The following LIPN variants were observed in gnomAD, a reference collection of about 807,000 sequenced individuals.
The protein encoded by LIPN is lipase member N.
In LIPN, 32 loss-of-function variants were observed where a neutral mutation model predicts 43.7. The observed-to-expected ratio is 0.73, with a 90% CI of 0.55 to 0.98. The LOEUF (loss-of-function observed/expected upper bound fraction) is 0.98. Among genes scored for constraint, LIPN ranks in the 50% least tolerant of loss-of-function variants. LIPN has a pLI of 0.00. For synonymous variants in LIPN, 156 were observed against 157.6 expected, an observed-to-expected ratio of 0.99 and a Z score of 0.08; for missense variants, 505 against 483.8, an observed-to-expected ratio of 1.04 and a Z score of -0.41.
chr10:88,769,522 T>A (rs1417269262), intron 6 of LIPN: 1 of 952,482 alleles, frequency 1.0e-6, no homozygotes, highest in African/African-American at 1.8e-5. Context: ...GGTTTTTTTT[T>A]TTTTTCTCTT....
intron 7 of LIPN, among the ~76,000 whole-genome samples, chr10:88,773,925 T>C (rs303469): frequency 0.18 from 27,835 of 152,012 alleles, 2,625 homozygotes; most frequent in Non-Finnish European, 0.21. Context: ...AAAAATTGGC[T>C]TTTAGCTTTA....
In LIPN at chr10:88,778,155, T is replaced by C; in HGVS notation, c.1110T>C (p.Asp370=). The change falls in exon 10 of 10, where the codon GAT becomes GAC. Residue 370 remains aspartate (D), a synonymous_variant. Coordinates refer to ENST00000404459, the MANE Select transcript of LIPN (RefSeq NM_001102469.2). Reference sequence around the variant, plus strand: ...TTCATTACTTTAAGCTATTGCCAGATTGGAACCACTTTGATTTTGTCTGGG... The same window carrying C: ...TTCATTACTTTAAGCTATTGCCAGACTGGAACCACTTTGATTTTGTCTGGG... ...KSLHYFKLLP[D]WNHFDFVWGL... 1 of 1,613,548 alleles carries C rather than the reference T, an allele frequency of 6.2e-7. No individual in the cohort carries two copies. The highest frequency in any genetic ancestry group is 8.5e-7 in the Non-Finnish European group (1 of 1,179,710).
chr10:88,777,470 C>A (rs1020051479), intron 9 of LIPN, among the ~76,000 whole-genome samples: 4 of 151,954 alleles, frequency 2.6e-5, no homozygotes. Context: ...ATATGGTAGT[C>A]CGAAGACAGA....
chr10:88,769,178 G>C (rs1843163754), intron 6 of LIPN, among the ~76,000 whole-genome samples: 1 of 151,852 alleles, frequency 6.6e-6, no homozygotes, highest in Non-Finnish European at 1.5e-5. Context: ...AGAATTTCTA[G>C]CTGAACTGAG....
chr10:88,775,051 C>A, intron 8 of LIPN, 41 bp from the exon 9 acceptor site: 1 of 1,360,868 alleles, frequency 7.3e-7, no homozygotes, highest in Non-Finnish European at 1.0e-6. Context: ...TTTCATGATT[C>A]TTACCCTAAC....
At position 88,778,328 on chromosome 10, in the gene LIPN, C is replaced by G; in HGVS notation, c.*86C>G. The G allele has an allele frequency of 1.1e-6, 1 of 903,674 alleles. No individual in the cohort carries two copies. The highest frequency in any genetic ancestry group is 1.7e-6 in the Non-Finnish European group (1 of 585,602). 56.0% of individuals were successfully genotyped at this position (903,674 alleles called of 1,614,324 possible). ...AAATAGTAACCAACAATGAGGTTGT[C>G]CCCCAGCACCCTGGGGGAGATGCAC... On this transcript the variant is annotated 3_prime_UTR_variant, in exon 10 of 10. Coordinates refer to ENST00000404459, the MANE Select transcript of LIPN (RefSeq NM_001102469.2).
upstream of LIPN, among the ~76,000 whole-genome samples, chr10:88,758,427 C>G (rs1445042904): frequency 6.7e-6 from 1 of 148,988 alleles, no homozygotes; most frequent in African/African-American, 2.5e-5. Flanking sequence ...TTGTATCCCA[C>G]AGGGCCAAGG....
In LIPN at chr10:88,770,851, T is replaced by A; in HGVS notation, c.679T>A (p.Phe227Ile). 1 of 1,506,772 alleles carries A rather than the reference T, an allele frequency of 6.6e-7. No individual in the cohort carries two copies. Among genetic ancestry groups the A allele is most frequent in the Middle Eastern group, 1.8e-4 (1 of 5,478 alleles). The allele number at this position is 1,506,772 out of a possible 1,614,324, so 93.3% of individuals were successfully genotyped here. A position where few individuals can be genotyped will look rare whatever the true frequency, so the allele number is the denominator to read the frequency against. Reference sequence around the variant, plus strand: ...TTATTATTTACTTTCATAGGCTGTTTTTGGTACCAAAGGTTTCTTTTTAGA... The same window carrying A: ...TTATTATTTACTTTCATAGGCTGTTATTGGTACCAAAGGTTTCTTTTTAGA... ...LLPNSIIKAV[F>I]GTKGFFLEDK... Residue 227 changes from phenylalanine to isoleucine, a missense_variant, in exon 7 of 10, where the codon TTT (phenylalanine) becomes ATT (isoleucine). Transcript: ENST00000404459.
At chr10:88,769,325 A>T (rs901316321) in intron 6 of LIPN, among the ~76,000 whole-genome samples, 1 of 151,924 alleles carries the variant, frequency 6.6e-6, no homozygotes, top group African/African-American at 2.4e-5. Flanking sequence ...TCCAATTTTG[A>T]CATTAGAAAA....
intron 3 of LIPN, among the ~76,000 whole-genome samples, chr10:88,763,915 G>A (rs1032858129): frequency 6.6e-6 from 1 of 151,946 alleles, no homozygotes; most frequent in African/African-American, 2.4e-5. Flanking sequence ...GAGTAAGCAT[G>A]ATAAATTTTG....
chr10:88,764,258 G>T (rs185972849), intron 3 of LIPN, among the ~76,000 whole-genome samples, 152 bp from the exon 4 acceptor site: 15 of 151,920 alleles, frequency 9.9e-5, no homozygotes, highest in African/African-American at 3.1e-4. Flanking sequence ...TATTGACAAG[G>T]GAAAAGTGAA....
At chr10:88,776,411 A>G (rs1843296877) in intron 9 of LIPN, among the ~76,000 whole-genome samples, 1 of 152,078 alleles carries the variant, frequency 6.6e-6, no homozygotes, top group Non-Finnish European at 1.5e-5. Context: ...CAAAATCAAC[A>G]CGCACATTCA....
intron 2 of LIPN, 119 bp from the exon 3 acceptor site, chr10:88,762,069 A>C (rs1186280392): frequency 3.9e-6 from 2 of 517,778 alleles, no homozygotes; most frequent in Non-Finnish European, 7.0e-6. Flanking sequence ...TTTTACAGTT[A>C]CCTGGTGCTA....
upstream of LIPN, among the ~76,000 whole-genome samples, chr10:88,758,902 T>A (rs1177033415): frequency 6.6e-6 from 1 of 152,120 alleles, no homozygotes; most frequent in Non-Finnish European, 1.5e-5. Flanking sequence ...CAAATCAATA[T>A]TAATAATAAT....
At chr10:88,762,049 T>C (rs899814179) in intron 2 of LIPN, 139 bp from the exon 3 acceptor site, 4 of 503,794 alleles carry the variant, frequency 7.9e-6, no homozygotes, top group South Asian at 4.0e-5. Context: ...ATTAAGACTT[T>C]ATTTATTAAT....
upstream of LIPN, among the ~76,000 whole-genome samples, chr10:88,759,439 T>C (rs1842965846): frequency 6.6e-6 from 1 of 152,162 alleles, no homozygotes; most frequent in Non-Finnish European, 1.5e-5. Context: ...TGTCGTTATT[T>C]GGCCTCCATT....
At chr10:88,760,283 G>T (rs1365389242) in intron 1 of LIPN, among the ~76,000 whole-genome samples, 177 bp downstream of exon 1, 1 of 151,890 alleles carries the variant, frequency 6.6e-6, no homozygotes, top group Non-Finnish European at 1.5e-5. Flanking sequence ...TTTTTTAATT[G>T]ATAAAATGAG....
Position 88,778,069 on chromosome 10 carries a change from G to C in LIPN, c.1024G>C (p.Gly342Arg). ...AGTGCCTACTGCTATTTGGGCTGGTGGACATGATGTCCTCGTAACACCCCA... is the reference window on the plus strand; with the variant it reads ...AGTGCCTACTGCTATTTGGGCTGGTCGACATGATGTCCTCGTAACACCCCA... ...MKVPTAIWAG[G>R]HDVLVTPQDV... Residue 342 changes from glycine (G) to arginine (R), a missense_variant, in exon 10 of 10, where the codon GGA (glycine) becomes CGA (arginine). Coordinates refer to ENST00000404459, the MANE Select transcript of LIPN (RefSeq NM_001102469.2). 6.2e-7 allele frequency: 1 copy of C among 1,613,524 alleles called. No individual in the cohort carries two copies. Among genetic ancestry groups the C allele is most frequent in the Non-Finnish European group, 8.5e-7 (1 of 1,179,674 alleles).
chr10:88,776,876 G>A (rs942008329), intron 9 of LIPN, among the ~76,000 whole-genome samples: 19 of 151,588 alleles, frequency 1.3e-4, no homozygotes, highest in African/African-American at 3.9e-4. Flanking sequence ...AAGTTATTCC[G>A]GTCCTGTGCC....
Sources: allele counts gnomAD v4.1 joint callset (sites outside exome capture counted in the v4.1 genomes callset), GRCh38; gene constraint gnomAD v4.1.1; transcripts MANE v1.5; gene names NCBI Gene and HGNC (gene_info 2026-07-23, HGNC 2026-07-21).